Variants in MTARC2 observed in about 807,000 individuals in gnomAD.
The protein encoded by MTARC2 is mitochondrial amidoxime reducing component 2.
A neutral mutation model predicts 35.6 loss-of-function variants in MTARC2; 27 were observed. The observed-to-expected ratio is 0.76, with a 90% CI of 0.56 to 1.04. MTARC2 has a LOEUF of 1.04. MTARC2 is among the 50% of genes least tolerant of loss of function. The pLI is 0.00. For synonymous variants in MTARC2, 158 were observed against 167.1 expected, an observed-to-expected ratio of 0.95 and a Z score of 0.42; for missense variants, 412 against 432.5, an observed-to-expected ratio of 0.95 and a Z score of 0.42.
chr1:220,748,659 C>T lies in MTARC2; in HGVS notation c.128C>T (p.Ala43Val), dbSNP rs762525609. 2 of 1,564,218 alleles carry T rather than the reference C, an allele frequency of 1.3e-6. No individual in the cohort carries two copies. The highest frequency in any genetic ancestry group is 1.4e-5 in the African/African-American group (1 of 71,688). Reference protein sequence around the residue: ...VALGTVAWRRAWPRRRRRLQQ... With the variant: ...VALGTVAWRRVWPRRRRRLQQ... ...CTGGGGACTGTCGCCTGGCGCCGCG[C>T]ATGGCCCAGGCGGCGCCGGCGGCTG... The change falls in exon 1 of 8, where the codon GCA becomes GTA. Residue 43 changes from alanine (A) to valine (V), a missense_variant. Ala to Val is a moderately conservative substitution (Grantham distance 64). Transcript: ENST00000366913.
At chr1:220,775,368 T>C (rs1671872520) in intron 4 of MTARC2, among the ~76,000 whole-genome samples, 1 of 152,178 alleles carries the variant, frequency 6.6e-6, no homozygotes, top group South Asian at 2.1e-4. Context: ...TCCATAGTTT[T>C]ATCCCATCAC....
At chr1:220,772,339 GA>G (rs1671767257) in intron 4 of MTARC2, among the ~76,000 whole-genome samples, 1 of 152,184 alleles carries the variant, frequency 6.6e-6, no homozygotes, top group Non-Finnish European at 1.5e-5. Flanking sequence ...CCCTCAAGGT[GA>G]GCATAAGCGT....
intron 1 of MTARC2, among the ~76,000 whole-genome samples, chr1:220,749,399 T>C (rs575519079): frequency 5.3e-5 from 8 of 151,660 alleles, no homozygotes; most frequent in African/African-American, 1.9e-4. Flanking sequence ...ACATAGACAT[T>C]TCATACTTAG....
chr1:220,755,386 C>G (rs12027298), intron 2 of MTARC2, among the ~76,000 whole-genome samples: 2,071 of 151,958 alleles, frequency 0.014, 33 homozygotes, highest in East Asian at 0.06. Flanking sequence ...GATGTTATAC[C>G]AACAGATTCT....
intron 2 of MTARC2, among the ~76,000 whole-genome samples, chr1:220,756,980 G>A (rs1232824941): frequency 1.3e-5 from 2 of 152,246 alleles, no homozygotes; most frequent in Non-Finnish European, 2.9e-5. Context: ...TTGGCTCACT[G>A]CAACCTCCAC....
chr1:220,771,451 A>G (rs889143424), intron 4 of MTARC2, among the ~76,000 whole-genome samples: 1 of 152,166 alleles, frequency 6.6e-6, no homozygotes. Flanking sequence ...CCGTAGGAGC[A>G]TACACCAGAT....
intron 1 of MTARC2, among the ~76,000 whole-genome samples, chr1:220,751,740 A>G (rs1386446723): frequency 1.3e-5 from 2 of 152,118 alleles, no homozygotes; most frequent in African/African-American, 4.8e-5. Flanking sequence ...CCAGGCTTCT[A>G]CACTGATCCC....
At chr1:220,750,626 C>T (rs1246234962) in intron 1 of MTARC2, among the ~76,000 whole-genome samples, 1 of 152,122 alleles carries the variant, frequency 6.6e-6, no homozygotes, top group Non-Finnish European at 1.5e-5. Flanking sequence ...GAGGGAAAGG[C>T]AATGAAATTA....
chr1:220,758,854 GGTGTGTGTGTGT>G (rs906666688), intron 2 of MTARC2, among the ~76,000 whole-genome samples: 4 of 150,560 alleles, frequency 2.7e-5, no homozygotes, highest in Non-Finnish European at 4.4e-5. Flanking sequence ...TGTGTGTCTG[GGTGTGTGTGTGT>G]GTGTATTAAA....
chr1:220,782,403 A>G (rs1672097752), intron 7 of MTARC2, among the ~76,000 whole-genome samples: 1 of 152,216 alleles, frequency 6.6e-6, no homozygotes, highest in Admixed American at 6.5e-5. Context: ...GTTTGAAAAA[A>G]AATCAGTGCA....
chr1:220,761,717 C>A lies in MTARC2; in HGVS notation c.506C>A (p.Thr169Asn). The A allele has an allele frequency of 1.2e-6, 2 of 1,614,144 alleles. No individual in the cohort carries two copies. The highest frequency in any genetic ancestry group is 2.2e-5 in the South Asian group (2 of 91,080). Residue 169 changes from threonine (T) to asparagine (N), a missense_variant, in exon 3 of 8, where the codon ACC (threonine) becomes AAC (asparagine). Transcript: ENST00000366913. Reference protein sequence around the residue: ...DCGNEAAKWFTNFLKTEAYRL... With the variant: ...DCGNEAAKWFNNFLKTEAYRL... ...GGCAATGAGGCAGCTAAGTGGTTCA[C>A]CAACTTCTTGAAAACTGAAGCGTAT...
Position 220,766,860 on chromosome 1 carries a change from C to CAA in MTARC2, c.750+3824_750+3825dup, listed in dbSNP as rs59711900. Reference sequence around the variant, plus strand: ...AAATAATAAACTGAAAATAAAAGTACAAAAAAAAAAAAAAAGGCTAGGCAT... The same window carrying CAA: ...AAATAATAAACTGAAAATAAAAGTACAAAAAAAAAAAAAAAAAGGCTAGGCAT... On this transcript the variant is annotated intron_variant, in intron 4 of 7. Coordinates refer to ENST00000366913, the MANE Select transcript of MTARC2 (RefSeq NM_017898.5). Among the ~76,000 whole-genome samples, 432 of 91,932 alleles carry CAA rather than the reference C, an allele frequency of 4.7e-3. 4 individuals are homozygous for CAA. Among genetic ancestry groups the CAA allele is most frequent in the African/African-American group, 0.014 (409 of 30,010 alleles). 60.3% of individuals were successfully genotyped at this position (91,932 alleles called of 152,430 possible).
chr1:220,757,192 G>A (rs1453419593), intron 2 of MTARC2, among the ~76,000 whole-genome samples: 5 of 152,246 alleles, frequency 3.3e-5, no homozygotes, highest in Admixed American at 2.6e-4. Context: ...ATGAGCCACC[G>A]TGCTCAGCCT....
At chr1:220,773,863 A>C (rs778867423) in intron 4 of MTARC2, among the ~76,000 whole-genome samples, 3 of 152,156 alleles carry the variant, frequency 2.0e-5, no homozygotes, top group Non-Finnish European at 4.4e-5. Context: ...ATAATGTTTA[A>C]ATCTTGGTGA....
chr1:220,748,914 G>A (rs532091649), intron 1 of MTARC2, 111 bp downstream of exon 1: 144 of 1,312,144 alleles, frequency 1.1e-4, no homozygotes, highest in Non-Finnish European at 1.3e-4. Context: ...TGCCACCTGA[G>A]TTTCTGGGCT....
rs545676969 is a variant in MTARC2 at position 220,759,810 on chromosome 1, G to A, written c.447-1848G>A. ...TTCGAGAAGGGGGTTTAGAGGGAAG[G>A]AAAAGGCCCAAGAAATGTGAAAGGA... On this transcript the variant is annotated intron_variant, in intron 2 of 7. Transcript: ENST00000366913. 1.1e-4 allele frequency among the ~76,000 whole-genome samples: 17 copies of A among 152,222 alleles called. 1 individual carries two copies. In the South Asian group the frequency reaches 3.3e-3, roughly 30 times the overall value.
At chr1:220,771,158 G>C (rs941906569) in intron 4 of MTARC2, among the ~76,000 whole-genome samples, 1 of 152,116 alleles carries the variant, frequency 6.6e-6, no homozygotes, top group African/African-American at 2.4e-5. Context: ...AATTAGCTAG[G>C]CATGGTGGTG....
rs1473572243 is a variant in MTARC2, at chr1:220,764,986, TG to T, written c.750+1937del. ...TCCTGCTCTTCAGAATGTTCCAACA[TG>T]AGGGGCATGGCCAGGAGACAATGAC... On this transcript the variant is annotated intron_variant, in intron 4 of 7. Coordinates refer to ENST00000366913, the MANE Select transcript of MTARC2 (RefSeq NM_017898.5). Among the ~76,000 whole-genome samples, 6 of 152,254 alleles carry T rather than the reference TG, an allele frequency of 3.9e-5. No individual in the cohort carries two copies. In the East Asian group the frequency reaches 1.2e-3, roughly 29 times the overall value.
intron 1 of MTARC2, among the ~76,000 whole-genome samples, chr1:220,753,647 C>T (rs1237629043): frequency 6.6e-6 from 1 of 152,144 alleles, no homozygotes; most frequent in South Asian, 2.1e-4. Flanking sequence ...AGGGGCTGTG[C>T]TTTTTATCCT....
Sources: allele counts gnomAD v4.1 joint callset (sites outside exome capture counted in the v4.1 genomes callset), GRCh38; gene constraint gnomAD v4.1.1; transcripts MANE v1.5; gene names NCBI Gene and HGNC (gene_info 2026-07-23, HGNC 2026-07-21).